The following DENND4C variants were observed in gnomAD, a reference collection of about 807,000 sequenced individuals.
The protein encoded by DENND4C is DENN domain containing 4C, also known as DENN domain-containing protein 4C.
DENND4C carries 108 observed loss-of-function variants against 203.0 expected under a neutral mutation model. The observed-to-expected ratio is 0.53, with a 90% CI of 0.46 to 0.62. The LOEUF (loss-of-function observed/expected upper bound fraction) is 0.62, where lower values mean the gene tolerates loss of function less well. DENND4C is among the 20% of genes least tolerant of loss of function. The probability of loss-of-function intolerance (pLI) is 0.00; values close to 1 mark genes in which losing one functional copy is unlikely to be tolerated. For missense variants in DENND4C, 2,481 were observed against 2,301.2 expected (o/e 1.08, Z -1.60); for synonymous variants, 871 against 792.4 (o/e 1.10, Z -1.67).
intron 10 of DENND4C, among the ~76,000 whole-genome samples, chr9:19,316,010 T>C (rs2131551399): frequency 6.6e-6 from 1 of 152,338 alleles, no homozygotes; most frequent in South Asian, 2.1e-4. Context: ...CTGGATGAAC[T>C]ACATGTGCTT....
At position 19,372,315 on chromosome 9, in the gene DENND4C, G is replaced by A; in HGVS notation, c.*142G>A. 5 of 983,020 alleles carry A rather than the reference G, an allele frequency of 5.1e-6. No individual in the cohort carries two copies. Among genetic ancestry groups the A allele is most frequent in the Non-Finnish European group, 7.3e-6 (5 of 680,538 alleles). The allele number at this position is 983,020 out of a possible 1,614,324, so 60.9% of individuals were successfully genotyped here. ...TTGGGGACAATATATAATGAATTAT[G>A]ATTCATATTGCATTACCTTGAAATA... is the stretch of plus-strand genomic sequence containing the variant. On this transcript the variant is annotated 3_prime_UTR_variant, in exon 33 of 33. Coordinates refer to ENST00000434457, the MANE Select transcript of DENND4C (RefSeq NM_001330640.2).
chr9:19,287,850 A>G (rs113898534), intron 3 of DENND4C, among the ~76,000 whole-genome samples: 4,170 of 152,176 alleles, frequency 0.027, 185 homozygotes, highest in African/African-American at 0.093. Flanking sequence ...CTCCTGTCTC[A>G]GCCTCCCAGG....
In DENND4C at chr9:19,231,944, T is replaced by C. The variant is rs553102277; in HGVS notation, c.-18+1111T>C. ...GAACGTTAGTGCTAAGGCGCTAAGT[T>C]CTGGATAAATACTTGATTTGATGTG... On this transcript the variant is annotated intron_variant, in intron 1 of 32. Transcript: ENST00000434457. Among the ~76,000 whole-genome samples, 5 of 152,230 alleles carry C rather than the reference T, an allele frequency of 3.3e-5. No individual in the cohort carries two copies. In the East Asian group the frequency reaches 9.6e-4, roughly 29 times the overall value.
At position 19,373,707 on chromosome 9, in the gene DENND4C, C is replaced by G. The variant is rs1053999853; in HGVS notation, c.*1534C>G. ...TAGGAACAGTAAGTTTGCCTTAACTCTCTGCATGGTTTAAAAAGCCATTGG... is the reference window on the plus strand; with the variant it reads ...TAGGAACAGTAAGTTTGCCTTAACTGTCTGCATGGTTTAAAAAGCCATTGG... On this transcript the variant is annotated 3_prime_UTR_variant, in exon 33 of 33. Transcript: ENST00000434457. 6.6e-6 allele frequency among the ~76,000 whole-genome samples: 1 copy of G among 152,106 alleles called. No homozygotes were observed. Among genetic ancestry groups the G allele is most frequent in the Non-Finnish European group, 1.5e-5 (1 of 67,998 alleles).
chr9:19,310,130 A>G (rs1775592988), intron 10 of DENND4C, among the ~76,000 whole-genome samples: 1 of 152,160 alleles, frequency 6.6e-6, no homozygotes, highest in Non-Finnish European at 1.5e-5. Context: ...GTGGTCTTAT[A>G]TCTAGCAACT....
intron 15 of DENND4C, among the ~76,000 whole-genome samples, chr9:19,327,711 AT>A (rs907434847): frequency 3.8e-4 from 58 of 151,914 alleles, no homozygotes; most frequent in African/African-American, 1.3e-3. Context: ...GTATACTAAA[AT>A]TTTTTTAAAC....
chr9:19,346,486 G>C lies in DENND4C; in HGVS notation c.3717G>C (p.Lys1239Asn). Reference sequence around the variant, plus strand: ...GAAGTAGTTTATATGGTATTGCTAAGGTGGTTCAGAGGGAAGATGTTGAAA... The same window carrying C: ...GAAGTAGTTTATATGGTATTGCTAACGTGGTTCAGAGGGAAGATGTTGAAA... ...NKRSSLYGIA[K>N]VVQREDVETG... The change falls in exon 23 of 33, where the codon AAG becomes AAC. Residue 1239 changes from lysine to asparagine, a missense_variant. Lys to Asn is a moderately conservative substitution (Grantham distance 94, BLOSUM62 0). Transcript: ENST00000434457. 6.2e-7 allele frequency: 1 copy of C among 1,614,178 alleles called. No individual in the cohort carries two copies. The highest frequency in any genetic ancestry group is 8.5e-7 in the Non-Finnish European group (1 of 1,180,036).
In DENND4C at chr9:19,286,863, A is replaced by C. The variant is rs536520891; in HGVS notation, c.400A>C (p.Thr134Pro). 8.1e-7 allele frequency: 1 copy of C among 1,232,122 alleles called. No homozygotes were observed. Among genetic ancestry groups the C allele is most frequent in the Non-Finnish European group, 1.0e-6 (1 of 987,950 alleles). 76.3% of individuals were successfully genotyped at this position (1,232,122 alleles called of 1,614,324 possible). ...CTGTGCCAATGTCAACAATAGTTCA[A>C]CTACTTCACAAAGAATCTTTATCAC... ...GRCANVNNSS[T>P]TSQRIFITYR... is the part of the protein sequence containing the mutation. Residue 134 changes from threonine to proline, a missense_variant, in exon 3 of 33, where the codon ACT (threonine) becomes CCT (proline). Coordinates refer to ENST00000434457, the MANE Select transcript of DENND4C (RefSeq NM_001330640.2).
Position 19,256,374 on chromosome 9 carries a change from ATC to A in DENND4C, c.-17-19780_-17-19779del, listed in dbSNP as rs1425168686. ...GCCCAGGCTGGAGTGCAAGGGCGCA[ATC>A]TCTGCTCACTGCTCACTGCCATCTC... On this transcript the variant is annotated intron_variant, in intron 1 of 32. Transcript: ENST00000434457. 3.0e-5 allele frequency among the ~76,000 whole-genome samples: 4 copies of A among 131,476 alleles called. No homozygotes were observed. The East Asian group carries it at 6.4e-4, about 21-fold the overall frequency. The allele number at this position is 131,476 out of a possible 152,430, so 86.3% of individuals were successfully genotyped here. A position where few individuals can be genotyped will look rare whatever the true frequency, so the allele number is the denominator to read the frequency against.
rs753276600 is a variant in DENND4C, at chr9:19,263,319, G to A, written c.-17-12839G>A. On this transcript the variant is annotated intron_variant, in intron 1 of 32. Coordinates refer to ENST00000434457, the MANE Select transcript of DENND4C (RefSeq NM_001330640.2). Reference sequence around the variant, plus strand: ...TCATGTTGAATAATCTTTTTAATACGTTGTTGAATTTGGTTTGCTTGTTGT... The same window carrying A: ...TCATGTTGAATAATCTTTTTAATACATTGTTGAATTTGGTTTGCTTGTTGT... Among the ~76,000 whole-genome samples, 8 of 152,030 alleles carry A rather than the reference G, an allele frequency of 5.3e-5. 1 individual carries two copies. The highest frequency in any genetic ancestry group is 4.4e-5 in the Non-Finnish European group (3 of 67,994).
At chr9:19,369,780 T>A (rs10964112) in intron 30 of DENND4C, 57 bp from the exon 31 acceptor site, 256,916 of 769,028 alleles carry the variant, frequency 0.33, 24,605 homozygotes, top group Middle Eastern at 0.36. Context: ...AAAAAAAAAA[T>A]AATAATAATA....
intron 10 of DENND4C, among the ~76,000 whole-genome samples, chr9:19,315,490 AAT>A (rs150250739): frequency 3.3e-4 from 49 of 148,314 alleles, no homozygotes; most frequent in Admixed American, 4.7e-4. Flanking sequence ...ATATTCTTGG[AAT>A]ATATATATAT....
intron 1 of DENND4C, among the ~76,000 whole-genome samples, chr9:19,258,660 A>G (rs1020588050): frequency 1.3e-5 from 2 of 151,616 alleles, no homozygotes; most frequent in African/African-American, 4.9e-5. Flanking sequence ...TTAAATTTTA[A>G]GTTTTTTTTT....
At chr9:19,363,934 G>A (rs1432116546) in intron 30 of DENND4C, among the ~76,000 whole-genome samples, 2 of 151,786 alleles carry the variant, frequency 1.3e-5, no homozygotes, top group Non-Finnish European at 2.9e-5. Flanking sequence ...GAATTGCTTG[G>A]ACCCGGGAAG....
rs895190546 is a variant in DENND4C at position 19,373,309 on chromosome 9, A to G, written c.*1136A>G. 4 of 152,508 alleles carry G rather than the reference A, an allele frequency of 2.6e-5. No individual in the cohort carries two copies. The highest frequency in any genetic ancestry group is 1.3e-4 in the Admixed American group (2 of 15,280). 9.4% of individuals were successfully genotyped at this position (152,508 alleles called of 1,614,324 possible). A position where few individuals can be genotyped will look rare whatever the true frequency, so the allele number is the denominator to read the frequency against. ...TTTTAAAATGGGAACAAATGAATCA[A>G]TCATCAGATAGTTAAAATGAAATTA... On this transcript the variant is annotated 3_prime_UTR_variant, in exon 33 of 33. Coordinates refer to ENST00000434457, the MANE Select transcript of DENND4C (RefSeq NM_001330640.2).
intron 2 of DENND4C, among the ~76,000 whole-genome samples, chr9:19,277,490 A>G (rs772943269): frequency 2.0e-5 from 3 of 152,204 alleles, no homozygotes; most frequent in Non-Finnish European, 4.4e-5. Flanking sequence ...GTATAGAAAT[A>G]GCTGATTTTT....
intron 2 of DENND4C, among the ~76,000 whole-genome samples, chr9:19,286,390 C>T (rs12005158): frequency 1.1e-3 from 164 of 152,086 alleles, no homozygotes; most frequent in African/African-American, 3.6e-3. Flanking sequence ...AATTATGAAG[C>T]GAATTTTTAT....
rs11438629 is a variant in DENND4C, at chr9:19,233,561, C to CTTT, written c.-18+2743_-18+2745dup. Reference sequence around the variant, plus strand: ...TAGAGCTTAACATGGTATTTGAAACCTTTTTTTTTTTTTTTTTGAGATGTA... The same window carrying CTTT: ...TAGAGCTTAACATGGTATTTGAAACCTTTTTTTTTTTTTTTTTTTTGAGATGTA... On this transcript the variant is annotated intron_variant, in intron 1 of 32. Coordinates refer to ENST00000434457, the MANE Select transcript of DENND4C (RefSeq NM_001330640.2). 5.3e-4 allele frequency among the ~76,000 whole-genome samples: 69 copies of CTTT among 131,262 alleles called. 1 individual carries two copies. Among genetic ancestry groups the CTTT allele is most frequent in the Non-Finnish European group, 7.7e-4 (49 of 63,894 alleles). The allele number at this position is 131,262 out of a possible 152,430, so 86.1% of individuals were successfully genotyped here. A position where few individuals can be genotyped will look rare whatever the true frequency, so the allele number is the denominator to read the frequency against.
intron 6 of DENND4C, among the ~76,000 whole-genome samples, 166 bp from the exon 7 acceptor site, chr9:19,297,890 A>G (rs962306362): frequency 1.3e-5 from 2 of 152,190 alleles, no homozygotes; most frequent in African/African-American, 2.4e-5. Context: ...TTTAATGGGC[A>G]TGGATAAATT....
Sources: gnomAD v4.1 joint callset for allele counts (sites outside exome capture counted in the v4.1 genomes callset) on GRCh38, gnomAD v4.1.1 for gene constraint, MANE v1.5 for transcripts, NCBI Gene and HGNC (gene_info 2026-07-23, HGNC 2026-07-21) for gene names.